GALNT13: variants seen among roughly 807,000 people sequenced by gnomAD.
GALNT13 encodes the protein UDP-GalNAc:polypeptide N-acetylgalactosaminyltransferase 13.
A neutral mutation model predicts 64.2 loss-of-function variants in GALNT13; 28 were observed. That is an observed-to-expected ratio of 0.44 (90% CI 0.32 to 0.60). GALNT13 has a LOEUF of 0.60. Among genes scored for constraint, GALNT13 ranks in the 20% least tolerant of loss-of-function variants. The pLI is 0.05. For synonymous variants in GALNT13, 214 were observed against 224.6 expected (o/e 0.95, Z 0.42); for missense variants, 577 against 669.8 (o/e 0.86, Z 1.53).
At chr2:153,469,626 G>C in the GALNT13 span, among the ~76,000 whole-genome samples, 1 of 152,006 alleles carries the variant, frequency 6.6e-6, no homozygotes, top group Non-Finnish European at 1.5e-5. Flanking sequence ...AACAGAATTA[G>C]GAATGTTTCC....
upstream of GALNT13, among the ~76,000 whole-genome samples, chr2:153,868,417 T>C (rs1453042188): frequency 6.6e-6 from 1 of 152,190 alleles, no homozygotes; most frequent in African/African-American, 2.4e-5. Flanking sequence ...ATGTTATAAT[T>C]AGAAGAAAAT....
chr2:154,104,048 G>A (rs1702483695), intron 3 of GALNT13, among the ~76,000 whole-genome samples: 1 of 152,004 alleles, frequency 6.6e-6, no homozygotes, highest in African/African-American at 2.4e-5. Context: ...GAGATGTGCT[G>A]AGGCCCAGGT....
the GALNT13 span, among the ~76,000 whole-genome samples, chr2:153,568,377 C>T: frequency 6.6e-6 from 1 of 152,104 alleles, no homozygotes; most frequent in Non-Finnish European, 1.5e-5. Context: ...GCTACCACAC[C>T]TGGCACAAAG....
At chr2:153,237,311 A>G in the GALNT13 span, among the ~76,000 whole-genome samples, 1 of 152,002 alleles carries the variant, frequency 6.6e-6, no homozygotes, top group Non-Finnish European at 1.5e-5. Context: ...GGTATTCATC[A>G]CCTCAAGCAT....
the GALNT13 span, among the ~76,000 whole-genome samples, chr2:153,829,783 T>C: frequency 6.6e-6 from 1 of 152,234 alleles, no homozygotes. Flanking sequence ...ATTAATATTT[T>C]GCAAATTCTA....
At chr2:154,106,872 A>C (rs1483603757) in intron 3 of GALNT13, among the ~76,000 whole-genome samples, 1 of 152,136 alleles carries the variant, frequency 6.6e-6, no homozygotes, top group East Asian at 1.9e-4. Context: ...TTCAAACCTC[A>C]TGTTGAAATT....
chr2:154,140,833 A>G (rs1157040800), intron 4 of GALNT13, among the ~76,000 whole-genome samples: 3 of 152,158 alleles, frequency 2.0e-5, no homozygotes, highest in Non-Finnish European at 4.4e-5. Context: ...AGTAGATTAC[A>G]GTCGTATATT....
chr2:153,334,383 A>G, the GALNT13 span, among the ~76,000 whole-genome samples: 1 of 152,180 alleles, frequency 6.6e-6, no homozygotes, highest in East Asian at 1.9e-4. Flanking sequence ...AGGTTTATAT[A>G]TAGTACAACT....
At chr2:154,164,262 G>T (rs889104552) in intron 4 of GALNT13, among the ~76,000 whole-genome samples, 4 of 152,050 alleles carry the variant, frequency 2.6e-5, no homozygotes, top group African/African-American at 9.7e-5. Flanking sequence ...GGTAATAGGG[G>T]TAAATTACCA....
chr2:154,193,685 C>T (rs933024008), intron 4 of GALNT13, among the ~76,000 whole-genome samples: 3 of 152,110 alleles, frequency 2.0e-5, no homozygotes, highest in African/African-American at 4.8e-5. Flanking sequence ...TAATTTACCT[C>T]CTCTTATTGC....
the GALNT13 span, among the ~76,000 whole-genome samples, chr2:153,191,490 T>C: frequency 6.6e-6 from 1 of 152,300 alleles, no homozygotes; most frequent in South Asian, 2.1e-4. Context: ...CAAGGGCTTT[T>C]ACATCTATGT....
the GALNT13 span, among the ~76,000 whole-genome samples, chr2:153,649,928 G>T: frequency 6.6e-6 from 1 of 152,146 alleles, no homozygotes; most frequent in South Asian, 2.1e-4. Context: ...GTGTTGAAAA[G>T]AATGTATATT....
chr2:153,513,498 AT>A, the GALNT13 span, among the ~76,000 whole-genome samples: 1 of 152,090 alleles, frequency 6.6e-6, no homozygotes, highest in East Asian at 1.9e-4. Context: ...ATCTGAGCAA[AT>A]TTTCACTTCC....
At chr2:153,250,575 C>T in the GALNT13 span, among the ~76,000 whole-genome samples, 11 of 152,206 alleles carry the variant, frequency 7.2e-5, no homozygotes, top group East Asian at 1.9e-4. Context: ...TAAAGACACA[C>T]GCACATGTAT....
intron 3 of GALNT13, among the ~76,000 whole-genome samples, chr2:154,105,529 G>A (rs1178254396): frequency 1.3e-5 from 2 of 152,150 alleles, no homozygotes; most frequent in Non-Finnish European, 2.9e-5. Context: ...TAGCCATGAT[G>A]TGTAGTAGTC....
the GALNT13 span, among the ~76,000 whole-genome samples, chr2:153,791,497 A>G: frequency 2.0e-5 from 3 of 152,184 alleles, no homozygotes; most frequent in Admixed American, 2.0e-4. Flanking sequence ...AATTTCCTCA[A>G]CCATTGTGGA....
chr2:153,114,041 A>G, the GALNT13 span, among the ~76,000 whole-genome samples: 14 of 152,186 alleles, frequency 9.2e-5, no homozygotes, highest in South Asian at 2.9e-3. Flanking sequence ...CATTTTAGCT[A>G]GGCTTTCCCT....
the GALNT13 span, among the ~76,000 whole-genome samples, chr2:153,669,860 G>A: frequency 6.6e-6 from 1 of 151,994 alleles, no homozygotes; most frequent in South Asian, 2.1e-4. Context: ...AGCAGACCAG[G>A]AGATTCCCTC....
intron 3 of GALNT13, among the ~76,000 whole-genome samples, chr2:154,114,379 A>G (rs989564875): frequency 1.6e-4 from 25 of 152,126 alleles, no homozygotes; most frequent in Admixed American, 2.6e-4. Flanking sequence ...ATCTGAGCTA[A>G]AACTCCATTA....
Sources: gnomAD v4.1 joint callset for allele counts (sites outside exome capture counted in the v4.1 genomes callset) on GRCh38, gnomAD v4.1.1 for gene constraint, MANE v1.5 for transcripts, NCBI Gene and HGNC (gene_info 2026-07-23, HGNC 2026-07-21) for gene names.